The following AP3B1 variants were observed in gnomAD, a reference collection of about 807,000 sequenced individuals.
AP3B1 encodes AP-3 complex subunit beta-1.
Under a neutral mutation model 132.5 loss-of-function variants are expected in AP3B1, and 61 were observed. That is an observed-to-expected ratio of 0.46 (90% confidence interval 0.37 to 0.57). The LOEUF (loss-of-function observed/expected upper bound fraction) is 0.57. AP3B1 is among the 20% of genes least tolerant of loss of function. The pLI, the probability that AP3B1 is intolerant of heterozygous loss-of-function variation, is 0.00. For synonymous variants in AP3B1, 388 were observed against 438.3 expected, an observed-to-expected ratio of 0.89 and a Z score of 1.43; for missense variants, 1,120 against 1,289.4, an observed-to-expected ratio of 0.87 and a Z score of 2.01.
intron 1 of AP3B1, among the ~76,000 whole-genome samples, chr5:78,293,756 G>C (rs1749632948): frequency 6.6e-6 from 1 of 152,064 alleles, no homozygotes; most frequent in African/African-American, 2.4e-5. Flanking sequence ...CCATTTCTCG[G>C]TGATACTTTT....
At chr5:78,103,799 G>C (rs1040457413) in intron 20 of AP3B1, among the ~76,000 whole-genome samples, 2 of 151,274 alleles carry the variant, frequency 1.3e-5, no homozygotes, top group East Asian at 3.9e-4. Flanking sequence ...AAAGTCACAG[G>C]GTCAAAAAAA....
At chr5:78,230,686 T>A (rs1223042462) in intron 3 of AP3B1, among the ~76,000 whole-genome samples, 1 of 152,142 alleles carries the variant, frequency 6.6e-6, no homozygotes, top group Non-Finnish European at 1.5e-5. Context: ...GTTCCACTTA[T>A]TAAAATCTTC....
intron 15 of AP3B1, among the ~76,000 whole-genome samples, chr5:78,138,334 T>C (rs541121849): frequency 7.9e-5 from 12 of 151,994 alleles, no homozygotes; most frequent in African/African-American, 2.9e-4. Context: ...CCAGGTGTGG[T>C]GGCAGACACC....
intron 2 of AP3B1, among the ~76,000 whole-genome samples, chr5:78,251,094 TA>T (rs776239574): frequency 3.5e-4 from 53 of 152,306 alleles, no homozygotes; most frequent in South Asian, 1.0e-3. Context: ...AAAACAGATT[TA>T]AAATTTTAGA....
chr5:78,129,608 G>C (rs1752608117), intron 15 of AP3B1, among the ~76,000 whole-genome samples: 1 of 152,002 alleles, frequency 6.6e-6, no homozygotes, highest in African/African-American at 2.4e-5. Flanking sequence ...ACCCGCTGAA[G>C]GGGTCTACGT....
chr5:78,008,754 T>G (rs975665226), intron 26 of AP3B1, among the ~76,000 whole-genome samples: 1 of 152,172 alleles, frequency 6.6e-6, no homozygotes, highest in African/African-American at 2.4e-5. Context: ...GTATCAGGGC[T>G]TATACAATTA....
chr5:78,228,103 A>G, intron 4 of AP3B1, 41 bp downstream of exon 4: 1 of 1,369,398 alleles, frequency 7.3e-7, no homozygotes, highest in East Asian at 2.3e-5. Flanking sequence ...TCAACTCTGC[A>G]GAAACCTTGT....
At position 78,134,149 on chromosome 5, in the gene AP3B1, CA is replaced by C. The variant is rs397961933; in HGVS notation, c.1651-4843del. Among the ~76,000 whole-genome samples the C allele has an allele frequency of 5.6e-3, 414 of 74,190 alleles. 2 individuals carry two copies. Among genetic ancestry groups the C allele is most frequent in the African/African-American group, 0.018 (324 of 18,292 alleles). The allele number at this position is 74,190 out of a possible 152,430, so 48.7% of individuals were successfully genotyped here. ...CCGGGCGACACAGCAAGACTCGCCT[CA>C]AAAAAAAAAAAAAAAAGAAATACAT... On this transcript the variant is annotated intron_variant, in intron 15 of 26. Transcript: ENST00000255194.
chr5:78,206,402 T>G (rs2112460580), intron 7 of AP3B1, among the ~76,000 whole-genome samples: 1 of 152,274 alleles, frequency 6.6e-6, no homozygotes, highest in South Asian at 2.1e-4. Flanking sequence ...ATAGTATATA[T>G]CTTAACAGAT....
intron 7 of AP3B1, among the ~76,000 whole-genome samples, chr5:78,215,511 A>T (rs1390049494): frequency 1.3e-5 from 2 of 152,202 alleles, no homozygotes; most frequent in South Asian, 2.1e-4. Flanking sequence ...TTAAATTATT[A>T]ATTTTACTAA....
intron 21 of AP3B1, among the ~76,000 whole-genome samples, chr5:78,091,579 T>C (rs563313159): frequency 1.3e-5 from 2 of 152,214 alleles, no homozygotes; most frequent in South Asian, 2.1e-4. Flanking sequence ...GGAGGCTTCA[T>C]GAACAGGAGG....
At chr5:78,089,262 C>T (rs1228263453) in intron 22 of AP3B1, 131 bp downstream of exon 22, 9 of 711,506 alleles carry the variant, frequency 1.3e-5, no homozygotes, top group Non-Finnish European at 1.9e-5. Context: ...AAGGTCTTAG[C>T]TAAATTGGGC....
chr5:78,203,709 T>C (rs895996031), intron 7 of AP3B1, among the ~76,000 whole-genome samples: 2 of 152,282 alleles, frequency 1.3e-5, no homozygotes, highest in Non-Finnish European at 2.9e-5. Context: ...TCCTGGAATA[T>C]GTATTATGTG....
intron 21 of AP3B1, among the ~76,000 whole-genome samples, chr5:78,097,039 CCGCCCCGTCCGGG>C (rs1750852353): frequency 8.0e-6 from 1 of 125,408 alleles, no homozygotes; most frequent in African/African-American, 3.8e-5. Flanking sequence ...GCCCGGCCAG[CCGCCCCGTCCGGG>C]AGGGAGGTTG....
intron 2 of AP3B1, among the ~76,000 whole-genome samples, chr5:78,243,794 T>G (rs1457523089): frequency 6.8e-6 from 1 of 147,996 alleles, no homozygotes; most frequent in African/African-American, 2.5e-5. Flanking sequence ...CTGGAGTAAG[T>G]GAGGGGAAGA....
Position 78,138,667 on chromosome 5 carries a change from T to C in AP3B1, c.1650+2476A>G, listed in dbSNP as rs192001442. 6.9e-4 allele frequency among the ~76,000 whole-genome samples: 105 copies of C among 152,116 alleles called. 1 individual carries two copies. Among genetic ancestry groups the C allele is most frequent in the Admixed American group, 4.7e-3 (72 of 15,280 alleles). On this transcript the variant is annotated intron_variant, in intron 15 of 26. Transcript: ENST00000255194. ...TTTCACCATTAGGTGGTGAGGCCTA[T>C]TGTAGTTTCCTAGAAGTATCATTCT...
chr5:78,222,977 T>C (rs895221641), intron 6 of AP3B1, among the ~76,000 whole-genome samples: 4 of 151,572 alleles, frequency 2.6e-5, no homozygotes, highest in Admixed American at 1.3e-4. Context: ...TGTAAACAGA[T>C]TGTGGAAATA....
At chr5:78,053,692 A>G (rs1430034612) in intron 22 of AP3B1, among the ~76,000 whole-genome samples, 1 of 146,320 alleles carries the variant, frequency 6.8e-6, no homozygotes, top group African/African-American at 2.7e-5. Flanking sequence ...AAAAAAAAAA[A>G]AAAAAGAAAG....
intron 23 of AP3B1, among the ~76,000 whole-genome samples, chr5:78,038,283 A>G (rs1308267918): frequency 6.6e-6 from 1 of 152,214 alleles, no homozygotes; most frequent in Admixed American, 6.5e-5. Flanking sequence ...ATGTGGATAA[A>G]TACCAGTGAT....
Sources: allele counts gnomAD v4.1 joint callset (sites outside exome capture counted in the v4.1 genomes callset), GRCh38; gene constraint gnomAD v4.1.1; transcripts MANE v1.5; gene names NCBI Gene and HGNC (gene_info 2026-07-23, HGNC 2026-07-21).